The following CBFA2T2 variants were observed in gnomAD, a reference collection of about 807,000 sequenced individuals.
CBFA2T2 encodes protein CBFA2T2.
In CBFA2T2, 11 loss-of-function variants were observed where a neutral mutation model predicts 62.2. That is an observed-to-expected ratio of 0.18 (90% CI 0.11 to 0.29). The LOEUF is 0.29. CBFA2T2 is among the 10% of genes least tolerant of loss of function. The probability of loss-of-function intolerance (pLI) is 1.00; values close to 1 mark genes in which losing one functional copy is unlikely to be tolerated. For missense variants in CBFA2T2, 592 were observed against 774.1 expected, an observed-to-expected ratio of 0.76 and a Z score of 2.79; for synonymous variants, 295 against 287.5, an observed-to-expected ratio of 1.03 and a Z score of -0.27.
rs577506274 is a variant in CBFA2T2, at chr20:33,548,010, A to T, written c.34+57709A>T. On this transcript the variant is annotated intron_variant, in intron 1 of 10. Transcript: ENST00000342704. Reference sequence around the variant, plus strand: ...GGTTTTGAACTCCTGGGCTCAAGCGATCCTTCCACCTCTGCCTCCTTAAGT... The same window carrying T: ...GGTTTTGAACTCCTGGGCTCAAGCGTTCCTTCCACCTCTGCCTCCTTAAGT... Among the ~76,000 whole-genome samples, 11 of 152,148 alleles carry T rather than the reference A, an allele frequency of 7.2e-5. No homozygotes were observed. The South Asian group carries it at 1.7e-3, about 23-fold the overall frequency.
At chr20:33,507,745 C>T (rs1470097127) in intron 1 of CBFA2T2, among the ~76,000 whole-genome samples, 2 of 152,156 alleles carry the variant, frequency 1.3e-5, no homozygotes, top group South Asian at 4.1e-4. Flanking sequence ...ACCTTTCAAT[C>T]CTTTGCTGTT....
At chr20:33,499,863 G>A (rs1404910723) in intron 1 of CBFA2T2, among the ~76,000 whole-genome samples, 1 of 152,098 alleles carries the variant, frequency 6.6e-6, no homozygotes, top group Non-Finnish European at 1.5e-5. Context: ...ATTGTCCAAG[G>A]TCACACAGTT....
intron 8 of CBFA2T2, among the ~76,000 whole-genome samples, chr20:33,635,601 C>T (rs942760806): frequency 2.0e-5 from 3 of 152,156 alleles, no homozygotes; most frequent in Admixed American, 2.0e-4. Flanking sequence ...GGCACAATGG[C>T]TTACAACTGT....
intron 2 of CBFA2T2, among the ~76,000 whole-genome samples, chr20:33,609,922 T>TTAA (rs2015464985): frequency 6.6e-6 from 1 of 152,208 alleles, no homozygotes; most frequent in African/African-American, 2.4e-5. Context: ...AGGCTGGATA[T>TTAA]GATTAAGTGA....
At chr20:33,592,737 A>C (rs1317070127) in intron 1 of CBFA2T2, among the ~76,000 whole-genome samples, 1 of 152,036 alleles carries the variant, frequency 6.6e-6, no homozygotes, top group Non-Finnish European at 1.5e-5. Flanking sequence ...CACTAGGGAG[A>C]CTAAGTAAGT....
chr20:33,611,332 G>C lies in CBFA2T2; in HGVS notation c.417G>C (p.Leu139=), dbSNP rs1186135708. 4 of 1,613,958 alleles carry C rather than the reference G, an allele frequency of 2.5e-6. No individual in the cohort carries two copies. The Admixed American group carries it at 6.7e-5, about 27-fold the overall frequency. ...AGGTGCGGACTCTTGTTCTTGCACT[G>C]GTGGTAAGTACAGCCTCACTGTTGT... is the stretch of plus-strand genomic sequence containing the variant. The part of the protein sequence containing the change: ...GEKVRTLVLA[L]VNSTVTIEEF... Residue 139 remains leucine (L), a synonymous_variant, in exon 3 of 11, where the codon CTG becomes CTC. Transcript: ENST00000342704.
chr20:33,536,927 G>T (rs2012265947), intron 1 of CBFA2T2, among the ~76,000 whole-genome samples: 1 of 148,898 alleles, frequency 6.7e-6, no homozygotes, highest in African/African-American at 2.5e-5. Flanking sequence ...TCCTAGATGG[G>T]ATGGCGGCCG....
At chr20:33,547,512 T>G (rs747573683) in intron 1 of CBFA2T2, among the ~76,000 whole-genome samples, 15 of 152,110 alleles carry the variant, frequency 9.9e-5, no homozygotes, top group Non-Finnish European at 1.8e-4. Flanking sequence ...AGACCCCATC[T>G]CTACAAAAAA....
chr20:33,585,200 C>A (rs1415258245), intron 1 of CBFA2T2, among the ~76,000 whole-genome samples: 1 of 152,074 alleles, frequency 6.6e-6, no homozygotes, highest in African/African-American at 2.4e-5. Context: ...GCGTGGCATT[C>A]AAGTAGGTGT....
chr20:33,618,154 G>A (rs2015778619), intron 3 of CBFA2T2, among the ~76,000 whole-genome samples: 1 of 150,052 alleles, frequency 6.7e-6, no homozygotes, highest in Non-Finnish European at 1.5e-5. Flanking sequence ...GCTTTCTGTT[G>A]GTAGATCTAT....
intron 1 of CBFA2T2, among the ~76,000 whole-genome samples, chr20:33,535,898 C>T (rs915551051): frequency 1.3e-5 from 2 of 152,134 alleles, no homozygotes; most frequent in Non-Finnish European, 1.5e-5. Flanking sequence ...CTTCAAGCAT[C>T]TGTTTAACGA....
chr20:33,498,550 A>G (rs538254367), intron 1 of CBFA2T2, among the ~76,000 whole-genome samples: 1 of 151,800 alleles, frequency 6.6e-6, no homozygotes, highest in Non-Finnish European at 1.5e-5. Context: ...ACCGCGCCCA[A>G]CCTGACCTAG....
At position 33,607,068 on chromosome 20, in the gene CBFA2T2, A is replaced by C; in HGVS notation, c.147A>C (p.Gly49=). The C allele has an allele frequency of 6.2e-7, 1 of 1,614,010 alleles. No individual in the cohort carries two copies. The highest frequency in any genetic ancestry group is 8.5e-7 in the Non-Finnish European group (1 of 1,179,950). The part of the protein sequence containing the change: ...MPPLPPINPG[G]PRPVSFTPTA... Reference sequence around the variant, plus strand: ...CCCTCCCACCAATAAATCCTGGAGGACCGAGGCCAGTGTCCTTCACTCCTA... The same window carrying C: ...CCCTCCCACCAATAAATCCTGGAGGCCCGAGGCCAGTGTCCTTCACTCCTA... Residue 49 remains glycine, a synonymous_variant, in exon 2 of 11, where the codon GGA becomes GGC. Coordinates refer to ENST00000342704, the MANE Select transcript of CBFA2T2 (RefSeq NM_001032999.3).
intron 1 of CBFA2T2, among the ~76,000 whole-genome samples, chr20:33,521,412 A>G: frequency 6.6e-6 from 1 of 152,306 alleles, no homozygotes; most frequent in South Asian, 2.1e-4. Flanking sequence ...TGTTATAATA[A>G]TAACTCTCTG....
intron 3 of CBFA2T2, 141 bp downstream of exon 3, chr20:33,611,476 A>C: frequency 1.0e-6 from 1 of 957,528 alleles, no homozygotes; most frequent in East Asian, 2.5e-5. Context: ...TTATTGAATA[A>C]CTTGTGTAAA....
chr20:33,559,193 T>TTTTTTTTC (rs1555835221), intron 1 of CBFA2T2, among the ~76,000 whole-genome samples: 5 of 144,002 alleles, frequency 3.5e-5, no homozygotes, highest in African/African-American at 1.4e-4. Context: ...TTTTTTTTTT[T>TTTTTTTTC]CTGAGATGGA....
intron 1 of CBFA2T2, among the ~76,000 whole-genome samples, chr20:33,599,089 C>T (rs1301985219): frequency 2.6e-5 from 4 of 152,126 alleles, no homozygotes; most frequent in Middle Eastern, 3.2e-3. Context: ...GGTGAAACTC[C>T]ATCTCTACTA....
intron 1 of CBFA2T2, among the ~76,000 whole-genome samples, chr20:33,519,501 AT>A (rs1447982979): frequency 1.3e-5 from 2 of 152,170 alleles, no homozygotes; most frequent in Non-Finnish European, 2.9e-5. Context: ...AATAAAGAGT[AT>A]TAGAGGTATG....
rs765099733 is a variant in CBFA2T2 at position 33,624,887 on chromosome 20, G to A, written c.816G>A (p.Gly272=). Reference sequence around the variant, plus strand: ...TCACTGTGCCCCTCATGAATCCCGGGGGCCAATTCCATCCTACCCCTCCAC... The same window carrying A: ...TCACTGTGCCCCTCATGAATCCCGGAGGCCAATTCCATCCTACCCCTCCAC... ...PALTVPLMNP[G]GQFHPTPPPL... Residue 272 remains glycine, a synonymous_variant, in exon 6 of 11, where the codon GGG becomes GGA. Coordinates refer to ENST00000342704, the MANE Select transcript of CBFA2T2 (RefSeq NM_001032999.3). 6 of 1,613,886 alleles carry A rather than the reference G, an allele frequency of 3.7e-6. No homozygotes were observed. The highest frequency in any genetic ancestry group is 1.3e-5 in the African/African-American group (1 of 74,852).
Sources: allele counts gnomAD v4.1 joint callset (sites outside exome capture counted in the v4.1 genomes callset), GRCh38; gene constraint gnomAD v4.1.1; transcripts MANE v1.5; gene names NCBI Gene and HGNC (gene_info 2026-07-23, HGNC 2026-07-21).